The following PSMB7 variants were observed in gnomAD, a reference collection of about 807,000 sequenced individuals.
PSMB7 encodes the protein proteasome 20S subunit beta 7, also known as proteasome subunit beta type-7.
Under a neutral mutation model 28.1 loss-of-function variants are expected in PSMB7, and 5 were observed. That is an observed-to-expected ratio of 0.18 (90% CI 0.09 to 0.37). The LOEUF is 0.37. PSMB7 is among the 10% of genes least tolerant of loss of function. The pLI, the probability that PSMB7 is intolerant of heterozygous loss-of-function variation, is 1.00. For missense variants in PSMB7, 275 were observed against 346.2 expected (o/e 0.79, Z 1.63); for synonymous variants, 122 against 123.7 (o/e 0.99, Z 0.09).
At chr9:124,358,255 G>A (rs1364090179) in intron 6 of PSMB7, among the ~76,000 whole-genome samples, 4 of 152,136 alleles carry the variant, frequency 2.6e-5, no homozygotes, top group African/African-American at 4.8e-5. Context: ...TCCTCTGCCT[G>A]CCCCATGCCA....
chr9:124,370,223 C>CTTTT (rs34812724), intron 6 of PSMB7, among the ~76,000 whole-genome samples: 7 of 144,460 alleles, frequency 4.8e-5, no homozygotes, highest in African/African-American at 1.8e-4. Context: ...GAAAGAGCAC[C>CTTTT]TTTTTTTTTT....
At position 124,365,826 on chromosome 9, in the gene PSMB7, G is replaced by A. The variant is rs566080868; in HGVS notation, c.571-8911C>T. 9.7e-4 allele frequency among the ~76,000 whole-genome samples: 147 copies of A among 152,222 alleles called. 1 individual carries two copies. Among genetic ancestry groups the A allele is most frequent in the African/African-American group, 3.3e-3 (139 of 41,542 alleles). On this transcript the variant is annotated intron_variant, in intron 6 of 7. Transcript: ENST00000259457. ...GCTACTTGGGAGGCTGAGGCAGGAG[G>A]ATTACTTGAGCCTGGGAGGTTCAGG...
chr9:124,413,820 C>A, intron 3 of PSMB7, 88 bp downstream of exon 3: 3 of 847,912 alleles, frequency 3.5e-6, no homozygotes, highest in Non-Finnish European at 5.6e-6. Context: ...GGTTGAAAAA[C>A]AGGTTTTAGT....
At chr9:124,387,140 G>A (rs1474201600) in intron 5 of PSMB7, among the ~76,000 whole-genome samples, 2 of 152,168 alleles carry the variant, frequency 1.3e-5, no homozygotes, top group Non-Finnish European at 2.9e-5. Context: ...CAGCTACGCA[G>A]GAGGCTGAGG....
intron 5 of PSMB7, among the ~76,000 whole-genome samples, chr9:124,387,384 C>G (rs1830735696): frequency 6.6e-6 from 1 of 152,182 alleles, no homozygotes; most frequent in Non-Finnish European, 1.5e-5. Context: ...GGGAGGCTCT[C>G]TACATTATCA....
intron 5 of PSMB7, among the ~76,000 whole-genome samples, chr9:124,397,874 A>C (rs1339094154): frequency 2.0e-5 from 3 of 152,236 alleles, no homozygotes; most frequent in African/African-American, 7.2e-5. Context: ...AGCATGAGTT[A>C]AAACAAAATC....
In PSMB7 at chr9:124,382,202, T is replaced by C. The variant is rs112964189; in HGVS notation, c.570+2396A>G. 3.7e-3 allele frequency among the ~76,000 whole-genome samples: 236 copies of C among 62,984 alleles called. 1 individual carries two copies. The highest frequency in any genetic ancestry group is 0.012 in the African/African-American group (230 of 19,812). The allele number at this position is 62,984 out of a possible 152,430, so 41.3% of individuals were successfully genotyped here. On this transcript the variant is annotated intron_variant, in intron 6 of 7. Transcript: ENST00000259457. ...GACTCTGTCTCTCTCTCTTTTCTCT[T>C]TTTTTTTTTTTTTTTTTTTTTTTGA...
At chr9:124,360,806 C>A (rs536054000) in intron 6 of PSMB7, among the ~76,000 whole-genome samples, 2 of 152,318 alleles carry the variant, frequency 1.3e-5, no homozygotes, top group South Asian at 4.1e-4. Context: ...CTCTCCCGCT[C>A]TGTAATATAA....
At chr9:124,396,473 T>G (rs925794508) in intron 5 of PSMB7, among the ~76,000 whole-genome samples, 4 of 152,220 alleles carry the variant, frequency 2.6e-5, no homozygotes, top group Non-Finnish European at 5.9e-5. Flanking sequence ...CTGTCCCACA[T>G]CTTTCTCACT....
At chr9:124,359,582 G>C (rs992218341) in intron 6 of PSMB7, among the ~76,000 whole-genome samples, 1 of 152,180 alleles carries the variant, frequency 6.6e-6, no homozygotes, top group African/African-American at 2.4e-5. Flanking sequence ...CCACAAGGCC[G>C]CAGCACCACA....
chr9:124,376,461 C>T (rs931305445), intron 6 of PSMB7, among the ~76,000 whole-genome samples: 9 of 152,104 alleles, frequency 5.9e-5, no homozygotes, highest in African/African-American at 2.2e-4. Flanking sequence ...CATTTACTAA[C>T]ATCTCTATCT....
At chr9:124,357,317 T>C (rs1426427593) in intron 6 of PSMB7, among the ~76,000 whole-genome samples, 2 of 152,126 alleles carry the variant, frequency 1.3e-5, no homozygotes, top group Non-Finnish European at 2.9e-5. Context: ...AAAAAATGGG[T>C]ATAACTGTGT....
chr9:124,370,532 T>C lies in PSMB7; in HGVS notation c.571-13617A>G, dbSNP rs768679517. On this transcript the variant is annotated intron_variant, in intron 6 of 7. Transcript: ENST00000259457. Reference sequence around the variant, plus strand: ...CTGACTTTCCCCCCTTGAGTTGATATAGATACATAAAAACTGCAAAGCTTT... The same window carrying C: ...CTGACTTTCCCCCCTTGAGTTGATACAGATACATAAAAACTGCAAAGCTTT... Among the ~76,000 whole-genome samples the C allele has an allele frequency of 7.2e-5, 11 of 152,148 alleles. No individual in the cohort carries two copies. The South Asian group carries it at 1.0e-3, about 14-fold the overall frequency.
At chr9:124,376,964 T>G (rs1050628427) in intron 6 of PSMB7, among the ~76,000 whole-genome samples, 4 of 152,228 alleles carry the variant, frequency 2.6e-5, no homozygotes, top group African/African-American at 9.6e-5. Flanking sequence ...GACCACCACA[T>G]ATGCCTGTCT....
chr9:124,355,427 C>T (rs540327303), intron 7 of PSMB7, among the ~76,000 whole-genome samples: 11 of 152,376 alleles, frequency 7.2e-5, no homozygotes, highest in African/African-American at 2.2e-4. Flanking sequence ...CCACTTCTCA[C>T]TGGCCCAGAC....
At chr9:124,410,144 G>C (rs900802745) in intron 4 of PSMB7, among the ~76,000 whole-genome samples, 1 of 151,190 alleles carries the variant, frequency 6.6e-6, no homozygotes, top group African/African-American at 2.4e-5. Flanking sequence ...ACAGGCGCCC[G>C]CCACCACGCC....
Position 124,356,862 on chromosome 9 carries a change from G to A in PSMB7, c.624C>T (p.Asn208=), listed in dbSNP as rs777022106. Residue 208 remains asparagine (N), a synonymous_variant, in exon 7 of 8, where the codon AAC becomes AAT. Transcript: ENST00000259457. This position sits in a 1 kb window ranked among gnomAD's most constrained non-coding sequence, Gnocchi z 4.4. ...CAATGTTGCTTCCGGAGCCCAGGTCGTTGAAGATGCCAGCTGCGATGGCTT... is the reference window on the plus strand; with the variant it reads ...CAATGTTGCTTCCGGAGCCCAGGTCATTGAAGATGCCAGCTGCGATGGCTT... ...VSEAIAAGIF[N]DLGSGSNIDL... is the part of the protein sequence containing the mutation. 2.0e-5 allele frequency: 33 copies of A among 1,614,058 alleles called. No homozygotes were observed. The highest frequency in any genetic ancestry group is 2.5e-5 in the Non-Finnish European group (30 of 1,180,040).
At chr9:124,400,677 C>CTCAAAATAT (rs1307576399) in intron 5 of PSMB7, among the ~76,000 whole-genome samples, 1 of 152,234 alleles carries the variant, frequency 6.6e-6, no homozygotes, top group Non-Finnish European at 1.5e-5. Context: ...CATTGTGAGC[C>CTCAAAATAT]ACCTGCTATA....
rs1830355525 is a variant in PSMB7 at position 124,353,542 on chromosome 9, T to TGGGC, written c.*52_*55dup. ...AACACTAGCCACATGAGTGTCTTAC[T>TGGGC]GGGCCTCAATGCTCACCACCTTCCA... is the stretch of plus-strand genomic sequence containing the variant. On this transcript the variant is annotated 3_prime_UTR_variant, in exon 8 of 8. Transcript: ENST00000259457. 9 of 1,247,460 alleles carry TGGGC rather than the reference T, an allele frequency of 7.2e-6. No homozygotes were observed. The highest frequency in any genetic ancestry group is 1.1e-5 in the Non-Finnish European group (9 of 849,260). The allele number at this position is 1,247,460 out of a possible 1,614,324, so 77.3% of individuals were successfully genotyped here. A position where few individuals can be genotyped will look rare whatever the true frequency, so the allele number is the denominator to read the frequency against.
Sources: gnomAD v4.1 joint callset for allele counts (sites outside exome capture counted in the v4.1 genomes callset) on GRCh38, gnomAD v4.1.1 for gene constraint, Gnocchi (gnomAD v3.1) non-coding constraint, MANE v1.5 for transcripts, NCBI Gene and HGNC (gene_info 2026-07-23, HGNC 2026-07-21) for gene names.